The following BANK1 variants were observed in gnomAD, a reference collection of about 807,000 sequenced individuals.
BANK1 encodes the protein B-cell scaffold protein with ankyrin repeats.
A neutral mutation model predicts 94.5 loss-of-function variants in BANK1; 95 were observed. That is an observed-to-expected ratio of 1.00 (90% CI 0.85 to 1.19). The LOEUF (loss-of-function observed/expected upper bound fraction) is 1.19, where lower values mean the gene tolerates loss of function less well. BANK1 is among the 50% of genes most tolerant of loss of function. The probability of loss-of-function intolerance (pLI) is 0.00; values close to 1 mark genes in which losing one functional copy is unlikely to be tolerated. For synonymous variants in BANK1, 334 were observed against 308.4 expected (o/e 1.08, Z -0.87); for missense variants, 987 against 932.2 (o/e 1.06, Z -0.77).
intron 1 of BANK1, among the ~76,000 whole-genome samples, chr4:101,794,790 C>A (rs956109001): frequency 6.6e-6 from 1 of 152,048 alleles, no homozygotes; most frequent in African/African-American, 2.4e-5. Flanking sequence ...CTGAAATAAT[C>A]CAGAAAGATG....
chr4:102,073,635 A>G (rs976891067), intron 15 of BANK1, 49 bp from the exon 16 acceptor site: 3 of 1,544,842 alleles, frequency 1.9e-6, no homozygotes, highest in African/African-American at 2.7e-5. Flanking sequence ...CAACCTTAAA[A>G]TAGGGACAAA....
chr4:101,949,519 C>T (rs370809719), intron 7 of BANK1, among the ~76,000 whole-genome samples: 93 of 152,156 alleles, frequency 6.1e-4, no homozygotes, highest in African/African-American at 2.1e-3. Flanking sequence ...TTGCTGGGCG[C>T]ACTTAATGAA....
At chr4:101,855,243 G>T in intron 3 of BANK1, 54 bp downstream of exon 3, 2 of 1,531,326 alleles carry the variant, frequency 1.3e-6, no homozygotes, top group Non-Finnish European at 1.8e-6. Flanking sequence ...TGGTGGTGGT[G>T]GTGGTTGTTG....
intron 7 of BANK1, among the ~76,000 whole-genome samples, chr4:102,004,205 G>C (rs1323565454): frequency 6.6e-6 from 1 of 152,062 alleles, no homozygotes; most frequent in African/African-American, 2.4e-5. Flanking sequence ...AGCATTGCCT[G>C]GCACATAGTA....
intron 7 of BANK1, among the ~76,000 whole-genome samples, chr4:101,988,740 A>AT: frequency 6.6e-6 from 1 of 152,122 alleles, no homozygotes; most frequent in Non-Finnish European, 1.5e-5. Context: ...CTTGAATTTC[A>AT]TTTTTATAAT....
chr4:102,028,156 CAA>C (rs1219003817), intron 9 of BANK1, among the ~76,000 whole-genome samples: 12 of 152,058 alleles, frequency 7.9e-5, no homozygotes, highest in Non-Finnish European at 1.5e-4. Context: ...GGTGGGGAAA[CAA>C]AGAGAGTTAA....
At chr4:101,800,199 G>A (rs1388273131) in intron 1 of BANK1, among the ~76,000 whole-genome samples, 1 of 151,494 alleles carries the variant, frequency 6.6e-6, no homozygotes, top group Admixed American at 6.6e-5. Flanking sequence ...GTTAATGGGT[G>A]CAGCACACCA....
chr4:101,885,859 G>A (rs1054834755), intron 5 of BANK1, among the ~76,000 whole-genome samples: 1 of 152,168 alleles, frequency 6.6e-6, no homozygotes, highest in East Asian at 1.9e-4. Flanking sequence ...TACACACCTA[G>A]GCCTAGTATA....
intron 12 of BANK1, 116 bp from the exon 13 acceptor site, chr4:102,062,959 A>G: frequency 1.4e-6 from 1 of 730,848 alleles, no homozygotes; most frequent in Non-Finnish European, 2.3e-6. Context: ...AGACATCATA[A>G]GTAGCAAATT....
chr4:101,971,043 C>G (rs1724935106), intron 7 of BANK1, among the ~76,000 whole-genome samples: 1 of 152,066 alleles, frequency 6.6e-6, no homozygotes, highest in East Asian at 1.9e-4. Context: ...ATGAACTCTT[C>G]ATGCAACATA....
intron 1 of BANK1, among the ~76,000 whole-genome samples, chr4:101,804,272 C>T (rs1226993433): frequency 6.6e-6 from 1 of 151,994 alleles, no homozygotes; most frequent in African/African-American, 2.4e-5. Context: ...AAATACTGTC[C>T]TGCTGTAATA....
intron 1 of BANK1, among the ~76,000 whole-genome samples, chr4:101,805,655 G>C (rs1725526644): frequency 6.7e-6 from 1 of 149,966 alleles, no homozygotes; most frequent in Non-Finnish European, 1.5e-5. Context: ...AAATAAGTTT[G>C]TATATTATTT....
chr4:101,840,743 G>A (rs1727015293), intron 2 of BANK1, among the ~76,000 whole-genome samples: 1 of 152,180 alleles, frequency 6.6e-6, no homozygotes, highest in Non-Finnish European at 1.5e-5. Flanking sequence ...CAGCTCTGAA[G>A]GCTGTGAGAC....
At chr4:101,800,999 C>T (rs1221427208) in intron 1 of BANK1, among the ~76,000 whole-genome samples, 1 of 152,172 alleles carries the variant, frequency 6.6e-6, no homozygotes, top group African/African-American at 2.4e-5. Context: ...CTTAGATGAT[C>T]CACCTGCCTT....
chr4:101,969,995 A>G (rs181184162), intron 7 of BANK1, among the ~76,000 whole-genome samples: 1 of 152,266 alleles, frequency 6.6e-6, no homozygotes, highest in East Asian at 1.9e-4. Context: ...GTTTCAATCA[A>G]TAAGATACCT....
At chr4:101,931,092 C>G (rs1305328941) in intron 7 of BANK1, among the ~76,000 whole-genome samples, 1 of 151,506 alleles carries the variant, frequency 6.6e-6, no homozygotes, top group African/African-American at 2.4e-5. Context: ...CTTTTTAACA[C>G]TGTCCTTTGC....
At chr4:102,027,499 A>AT (rs1727143387) in intron 9 of BANK1, among the ~76,000 whole-genome samples, 1 of 152,200 alleles carries the variant, frequency 6.6e-6, no homozygotes, top group Non-Finnish European at 1.5e-5. Context: ...GAAATGGATA[A>AT]TAAAATGCCG....
chr4:102,054,108 G>A (rs1728144832), intron 11 of BANK1, among the ~76,000 whole-genome samples: 1 of 151,994 alleles, frequency 6.6e-6, no homozygotes, highest in South Asian at 2.1e-4. Flanking sequence ...TTAATCATCT[G>A]CATAACGATA....
At chr4:101,836,582 GT>G (rs1270234372) in intron 2 of BANK1, among the ~76,000 whole-genome samples, 3 of 152,150 alleles carry the variant, frequency 2.0e-5, no homozygotes, top group African/African-American at 4.8e-5. Flanking sequence ...GACAAATTGT[GT>G]TTTTAAGTAC....
Sources: gnomAD v4.1 joint callset for allele counts (sites outside exome capture counted in the v4.1 genomes callset) on GRCh38, gnomAD v4.1.1 for gene constraint, MANE v1.5 for transcripts, NCBI Gene and HGNC (gene_info 2026-07-23, HGNC 2026-07-21) for gene names.